The following DOK7 variants were observed in gnomAD, a reference collection of about 807,000 sequenced individuals.
DOK7 encodes the protein docking protein 7, also known as protein Dok-7.
DOK7 carries 32 observed loss-of-function variants against 30.7 expected under a neutral mutation model. The ratio of observed to expected loss-of-function variants is 1.04; its 90% CI spans 0.79 to 1.40. DOK7 has a LOEUF of 1.40. Ranked by LOEUF, DOK7 falls within the 40% of genes most tolerant of loss-of-function variation. The pLI is 0.00. For missense variants in DOK7, 1,007 were observed against 699.2 expected, an observed-to-expected ratio of 1.44 and a Z score of -4.97; for synonymous variants, 447 against 324.1, an observed-to-expected ratio of 1.38 and a Z score of -4.07.
chr4:3,490,546 T>G (rs1728264830), intron 6 of DOK7, among the ~76,000 whole-genome samples: 1 of 102,134 alleles, frequency 9.8e-6, no homozygotes, highest in Non-Finnish European at 1.9e-5. Flanking sequence ...CGTTCCTTCC[T>G]TCTCCCCCTG....
At chr4:3,484,866 A>G in intron 4 of DOK7, 1 of 985,406 alleles carries the variant, frequency 1.0e-6, no homozygotes, top group Non-Finnish European at 1.2e-6. Context: ...ACCTTTTACA[A>G]ACATCTGAAT....
downstream of DOK7, among the ~76,000 whole-genome samples, chr4:3,497,075 G>C (rs747165524): frequency 6.6e-6 from 1 of 151,838 alleles, no homozygotes; most frequent in Non-Finnish European, 1.5e-5. Context: ...GACAGTGGTT[G>C]CTGGGTGGCA....
At chr4:3,485,716 C>G in intron 5 of DOK7, 58 bp downstream of exon 5, 1 of 1,446,202 alleles carries the variant, frequency 6.9e-7, no homozygotes, top group Non-Finnish European at 9.2e-7. Flanking sequence ...GTGCGACGTC[C>G]CGGGGCGGGG....
intron 2 of DOK7, among the ~76,000 whole-genome samples, chr4:3,468,750 CTGTG>C (rs950895255): frequency 5.7e-5 from 5 of 87,888 alleles, no homozygotes; most frequent in African/African-American, 2.4e-4. Context: ...GTGTATGTGT[CTGTG>C]TGCGTGTGTG....
At position 3,473,425 on chromosome 4, in the gene DOK7, C is replaced by G. The variant is rs758669385; in HGVS notation, c.120C>G (p.Val40=). ...TTGCAGACTGCCTGCTGATGCTGGT[C>G]TACAAGGACAAGTCGGAGCGTATCA... is the stretch of plus-strand genomic sequence containing the variant. ...SPVADCLLML[V]YKDKSERIKG... Residue 40 remains valine (V), a synonymous_variant, in exon 3 of 7, where the codon GTC becomes GTG. Transcript: ENST00000340083. 1.2e-6 allele frequency: 2 copies of G among 1,610,912 alleles called. No individual in the cohort carries two copies. The highest frequency in any genetic ancestry group is 2.2e-5 in the South Asian group (2 of 90,964).
intron 4 of DOK7, 137 bp from the exon 5 acceptor site, chr4:3,485,402 A>G: frequency 4.1e-6 from 5 of 1,204,996 alleles, no homozygotes; most frequent in African/African-American, 1.6e-5. Flanking sequence ...GGCTCTGGGC[A>G]TCTGACTTCG....
intron 2 of DOK7, among the ~76,000 whole-genome samples, chr4:3,467,041 G>A (rs978219450): frequency 7.9e-5 from 12 of 152,154 alleles, no homozygotes; most frequent in African/African-American, 2.9e-4. Context: ...TTCTGGGGGC[G>A]GCTCCAGGCT....
chr4:3,466,331 C>T (rs73792098), intron 2 of DOK7, among the ~76,000 whole-genome samples: 3,624 of 152,230 alleles, frequency 0.024, 154 homozygotes, highest in African/African-American at 0.079. Context: ...CCCACGGAGA[C>T]GGCGCAGGAG....
chr4:3,480,427 G>A (rs1465530564), intron 4 of DOK7, among the ~76,000 whole-genome samples: 1 of 152,192 alleles, frequency 6.6e-6, no homozygotes, highest in Non-Finnish European at 1.5e-5. Context: ...GGTCAACATG[G>A]TGAAACCCCA....
At chr4:3,496,778 G>A (rs1444395206), downstream of DOK7, 2 of 1,534,908 alleles carry the variant, frequency 1.3e-6, no homozygotes, top group Middle Eastern at 1.7e-4. Context: ...AGGATGAGGG[G>A]AAGACTGAAG....
In DOK7 at chr4:3,492,888, C is replaced by T. The variant is rs1728593089; in HGVS notation, c.902C>T (p.Pro301Leu). The change falls in exon 7 of 7, where the codon CCA becomes CTA. Residue 301 changes from proline to leucine, a missense_variant. Transcript: ENST00000340083. ...AGCACGTCACAGGAGGGGCCTAGACCAGCAGCTGCCCAGGCCGCCGGGGAA... is the reference window on the plus strand; with the variant it reads ...AGCACGTCACAGGAGGGGCCTAGACTAGCAGCTGCCCAGGCCGCCGGGGAA... ...SASTSQEGPR[P>L]AAAQAAGEAM... 6.3e-7 allele frequency: 1 copy of T among 1,597,216 alleles called. No homozygotes were observed. The highest frequency in any genetic ancestry group is 1.1e-5 in the South Asian group (1 of 89,062).
Position 3,493,166 on chromosome 4 carries a change from G to C in DOK7, c.1180G>C (p.Glu394Gln), listed in dbSNP as rs751691265. Reference protein sequence around the residue: ...SLCTCLPGTVEYQVPTSLRAH... With the variant: ...SLCTCLPGTVQYQVPTSLRAH... ...GTGCACCTGCCTGCCCGGGACAGTC[G>C]AGTACCAGGTGCCCACCTCCCTGCG... The change falls in exon 7 of 7, where the codon GAG (glutamate) becomes CAG (glutamine). Residue 394 changes from glutamate to glutamine, a missense_variant. Coordinates refer to ENST00000340083, the MANE Select transcript of DOK7 (RefSeq NM_173660.5). 2.5e-6 allele frequency: 4 copies of C among 1,607,620 alleles called. No individual in the cohort carries two copies. Among genetic ancestry groups the C allele is most frequent in the East Asian group, 4.5e-5 (2 of 44,584 alleles).
chr4:3,467,749 G>A (rs1245546714), intron 2 of DOK7, among the ~76,000 whole-genome samples: 1 of 152,212 alleles, frequency 6.6e-6, no homozygotes, highest in Admixed American at 6.5e-5. Context: ...ACGACAGCCA[G>A]TCACTGCTCA....
rs768805841 is a variant in DOK7, at chr4:3,493,462, T to C, written c.1476T>C (p.Cys492=). The C allele has an allele frequency of 1.2e-6, 2 of 1,610,534 alleles. No homozygotes were observed. The highest frequency in any genetic ancestry group is 1.3e-5 in the African/African-American group (1 of 74,880). The stretch of plus-strand genomic sequence containing the variant: ...CACCCCCGGCTTTCTTTTCGGCATG[T>C]CCAGTCTGTGGAGGACTCAAGGTAA... ...AGPPPAFFSA[C]PVCGGLKVNP... Residue 492 remains cysteine (C), a synonymous_variant, in exon 7 of 7, where the codon TGT becomes TGC. Coordinates refer to ENST00000340083, the MANE Select transcript of DOK7 (RefSeq NM_173660.5).
At chr4:3,472,330 G>A (rs1726804319) in intron 2 of DOK7, among the ~76,000 whole-genome samples, 2 of 152,268 alleles carry the variant, frequency 1.3e-5, no homozygotes, top group African/African-American at 4.8e-5. Context: ...AGCTTCAGAT[G>A]ACACGTCATT....
intron 4 of DOK7, among the ~76,000 whole-genome samples, chr4:3,478,914 G>T (rs940211785): frequency 6.6e-6 from 1 of 152,206 alleles, no homozygotes; most frequent in East Asian, 1.9e-4. Flanking sequence ...CTGGAGGGAC[G>T]GGGAGTCTGC....
At chr4:3,500,787 C>T (rs1729148449) in exon 8 of DOK7, 2 of 1,534,130 alleles carry the variant, frequency 1.3e-6, no homozygotes, top group Non-Finnish European at 8.7e-7. Context: ...GGAGGAGCAG[C>T]TGTCGGAGCT....
chr4:3,463,441 TCGGGGGCGCGGGGGGGGGGGG>T lies in DOK7; in HGVS notation c.54+15_54+35del. ...GGGACGGCAAGAAGGTCGGGGCGCG[TCGGGGGCGCGGGGGGGGGGGG>T]CGCGGGCGCGGGCGGCGGCTCACGC... On this transcript the variant is annotated intron_variant, in intron 1 of 6. Transcript: ENST00000340083. The T allele has an allele frequency of 2.0e-6, 1 of 493,668 alleles. No individual in the cohort carries two copies. The highest frequency in any genetic ancestry group is 2.9e-6 in the Non-Finnish European group (1 of 349,766). The allele number at this position is 493,668 out of a possible 1,614,324, so 30.6% of individuals were successfully genotyped here. A position where few individuals can be genotyped will look rare whatever the true frequency, so the allele number is the denominator to read the frequency against.
chr4:3,491,517 G>T lies in DOK7; in HGVS notation c.773-1242G>T, dbSNP rs56954818. Among the ~76,000 whole-genome samples, 398 of 52,372 alleles carry T rather than the reference G, an allele frequency of 7.6e-3. 3 individuals are homozygous for T. The highest frequency in any genetic ancestry group is 0.018 in the African/African-American group (336 of 18,242). The allele number at this position is 52,372 out of a possible 152,430, so 34.4% of individuals were successfully genotyped here. On this transcript the variant is annotated intron_variant, in intron 6 of 6. Transcript: ENST00000340083. ...GTCCCTCCGCTTATTCCTTCCTTCT[G>T]TCTGTTCATTCATTTCTTCCTTCTC...
Sources: allele counts gnomAD v4.1 joint callset (sites outside exome capture counted in the v4.1 genomes callset), GRCh38; gene constraint gnomAD v4.1.1; transcripts MANE v1.5; gene names NCBI Gene and HGNC (gene_info 2026-07-23, HGNC 2026-07-21).